ANKIB1: variants seen among roughly 807,000 people sequenced by gnomAD.
ANKIB1 encodes ankyrin repeat and IBR domain containing 1.
A neutral mutation model predicts 122.1 loss-of-function variants in ANKIB1; 43 were observed. The observed-to-expected ratio is 0.35, with a 90% CI of 0.28 to 0.45. The LOEUF is 0.45. ANKIB1 is among the 20% of genes least tolerant of loss of function. ANKIB1 has a pLI of 1.00. For synonymous variants in ANKIB1, 390 were observed against 442.0 expected, an observed-to-expected ratio of 0.88 and a Z score of 1.48; for missense variants, 992 against 1,329.5, an observed-to-expected ratio of 0.75 and a Z score of 3.95.
At chr7:92,294,868 G>C (rs1802322017) in intron 1 of ANKIB1, 21 bp from the exon 2 acceptor site, 1 of 716,898 alleles carries the variant, frequency 1.4e-6, no homozygotes, top group Non-Finnish European at 2.1e-6. Flanking sequence ...AATCTAATTT[G>C]AATAACTTTT....
chr7:92,281,002 G>A (rs913694036), intron 1 of ANKIB1, among the ~76,000 whole-genome samples: 12 of 152,112 alleles, frequency 7.9e-5, no homozygotes, highest in South Asian at 6.2e-4. Flanking sequence ...AGGACTCAGC[G>A]TGTAGTTTAA....
chr7:92,368,058 A>C (rs990532587), intron 10 of ANKIB1, among the ~76,000 whole-genome samples: 2 of 152,124 alleles, frequency 1.3e-5, no homozygotes, highest in Admixed American at 1.3e-4. Flanking sequence ...TGGGAAGCTG[A>C]GGTAGGAGGA....
intron 1 of ANKIB1, among the ~76,000 whole-genome samples, chr7:92,293,557 G>C (rs1802292747): frequency 6.6e-6 from 1 of 152,166 alleles, no homozygotes; most frequent in South Asian, 2.1e-4. Flanking sequence ...ATGAAAGACT[G>C]TTGTATTCTC....
chr7:92,370,391 C>T (rs1364030890), intron 10 of ANKIB1, among the ~76,000 whole-genome samples: 1 of 151,122 alleles, frequency 6.6e-6, no homozygotes, highest in East Asian at 1.9e-4. Flanking sequence ...GCCTATAGTC[C>T]CAGCTACTCG....
chr7:92,396,255 T>C lies in ANKIB1; in HGVS notation c.2284-110T>C, dbSNP rs542100839. The C allele has an allele frequency of 3.2e-4, 213 of 674,258 alleles. No individual in the cohort carries two copies. The African/African-American group carries it at 3.4e-3, about 11-fold the overall frequency. 41.8% of individuals were successfully genotyped at this position (674,258 alleles called of 1,614,324 possible). ...GTTTCAGCCAAGTGATTTTATAAGA[T>C]GTGTATAAAATCACAAACTTTTTCC... is the stretch of plus-strand genomic sequence containing the variant. On this transcript the variant is annotated intron_variant, in intron 17 of 19. Transcript: ENST00000265742.
At chr7:92,277,865 C>T (rs1801937037) in intron 1 of ANKIB1, among the ~76,000 whole-genome samples, 1 of 152,120 alleles carries the variant, frequency 6.6e-6, no homozygotes, top group Non-Finnish European at 1.5e-5. Context: ...AGGTGGATCA[C>T]CTGAGGTCAG....
chr7:92,400,115 C>A lies in ANKIB1; in HGVS notation c.*1166C>A, dbSNP rs1804985612. ...GTAACTATGCTATGAATTGCAAAGA[C>A]CTCCATAAAACCACCCATGGCCTTG... On this transcript the variant is annotated 3_prime_UTR_variant, in exon 20 of 20. Transcript: ENST00000265742. 6.6e-6 allele frequency: 1 copy of A among 152,150 alleles called. No individual in the cohort carries two copies. The highest frequency in any genetic ancestry group is 2.4e-5 in the African/African-American group (1 of 41,434). The allele number at this position is 152,150 out of a possible 1,614,324, so 9.4% of individuals were successfully genotyped here.
intron 2 of ANKIB1, among the ~76,000 whole-genome samples, chr7:92,304,560 A>G (rs1289430585): frequency 6.6e-6 from 1 of 152,210 alleles, no homozygotes; most frequent in African/African-American, 2.4e-5. Context: ...AATAACTGAT[A>G]TATTGGAAAT....
In ANKIB1 at chr7:92,387,856, G is replaced by A; in HGVS notation, c.1811G>A (p.Arg604Lys). ...GACAGATTTATGCACTATTATACAA[G>A]ATTTAAAAACCATGAGCATAGTTAT... is the stretch of plus-strand genomic sequence containing the variant. Reference protein sequence around the residue: ...ELDRFMHYYTRFKNHEHSYQL... With the variant: ...ELDRFMHYYTKFKNHEHSYQL... Residue 604 changes from arginine to lysine, a missense_variant, in exon 13 of 20, where the codon AGA becomes AAA. This residue lies in a region of ANKIB1 where 521 missense variants were observed against 777.7 expected (regional missense o/e 0.67). Coordinates refer to ENST00000265742, the MANE Select transcript of ANKIB1 (RefSeq NM_019004.2). The A allele has an allele frequency of 6.2e-7, 1 of 1,612,686 alleles. No homozygotes were observed. Among genetic ancestry groups the A allele is most frequent in the Non-Finnish European group, 8.5e-7 (1 of 1,179,440 alleles).
chr7:92,362,578 C>A (rs1055606100), intron 10 of ANKIB1, among the ~76,000 whole-genome samples: 2 of 152,096 alleles, frequency 1.3e-5, no homozygotes, highest in Non-Finnish European at 2.9e-5. Flanking sequence ...CTAGGGTGAG[C>A]CAACCAATTG....
chr7:92,281,694 A>G (rs1336787749), intron 1 of ANKIB1, among the ~76,000 whole-genome samples: 1 of 152,212 alleles, frequency 6.6e-6, no homozygotes, highest in Non-Finnish European at 1.5e-5. Flanking sequence ...AATAAACAGT[A>G]CCTAATGGTG....
chr7:92,343,278 C>G (rs745818039), intron 6 of ANKIB1, 46 bp downstream of exon 6: 45 of 1,494,320 alleles, frequency 3.0e-5, no homozygotes, highest in Non-Finnish European at 4.0e-5. Flanking sequence ...TGTTTATAGT[C>G]TTTTAACATT....
At chr7:92,331,631 C>G (rs1163387194) in intron 5 of ANKIB1, among the ~76,000 whole-genome samples, 1 of 152,058 alleles carries the variant, frequency 6.6e-6, no homozygotes, top group African/African-American at 2.4e-5. Context: ...GTTACAGTAG[C>G]CAGCTAGTCA....
At chr7:92,386,876 C>T (rs959427812) in intron 12 of ANKIB1, among the ~76,000 whole-genome samples, 1 of 152,016 alleles carries the variant, frequency 6.6e-6, no homozygotes, top group Non-Finnish European at 1.5e-5. Context: ...ATATCCCAGC[C>T]TACCTCTGTA....
intron 2 of ANKIB1, among the ~76,000 whole-genome samples, chr7:92,306,945 A>G (rs1802574514): frequency 6.6e-6 from 1 of 152,206 alleles, no homozygotes; most frequent in Admixed American, 6.5e-5. Flanking sequence ...CAAATAGATC[A>G]GAGCAATAAA....
At chr7:92,305,968 T>C (rs1291126207) in intron 2 of ANKIB1, among the ~76,000 whole-genome samples, 1 of 152,200 alleles carries the variant, frequency 6.6e-6, no homozygotes, top group East Asian at 1.9e-4. Flanking sequence ...GATGCTAGTC[T>C]TATCTTTCCC....
intron 9 of ANKIB1, among the ~76,000 whole-genome samples, chr7:92,358,840 G>A (rs1481652310): frequency 6.6e-6 from 1 of 151,942 alleles, no homozygotes; most frequent in Non-Finnish European, 1.5e-5. Context: ...TTATTGAGAT[G>A]CAAATGACAA....
At chr7:92,360,809 T>C (rs895914723) in intron 9 of ANKIB1, among the ~76,000 whole-genome samples, 1 of 152,218 alleles carries the variant, frequency 6.6e-6, no homozygotes, top group Non-Finnish European at 1.5e-5. Flanking sequence ...TAATTTCCTC[T>C]TAGTTTTTAA....
At chr7:92,336,763 T>C (rs977862351) in intron 5 of ANKIB1, among the ~76,000 whole-genome samples, 13 of 152,172 alleles carry the variant, frequency 8.5e-5, no homozygotes, top group African/African-American at 3.1e-4. Context: ...AGAGAAAAAC[T>C]TGTACAAATA....
Sources: allele counts gnomAD v4.1 joint callset (sites outside exome capture counted in the v4.1 genomes callset), GRCh38; gene constraint gnomAD v4.1.1; regional missense constraint gnomAD v4.1.1; transcripts MANE v1.5; gene names NCBI Gene and HGNC (gene_info 2026-07-23, HGNC 2026-07-21).